AGBL1: variants seen among roughly 807,000 people sequenced by gnomAD.
AGBL1 encodes the protein AGBL carboxypeptidase 1.
Under a neutral mutation model 118.9 loss-of-function variants are expected in AGBL1, and 130 were observed. The ratio of observed to expected loss-of-function variants is 1.09; its 90% confidence interval spans 0.95 to 1.26. The LOEUF (loss-of-function observed/expected upper bound fraction) is 1.26, where lower values mean the gene tolerates loss of function less well. Among genes scored for constraint, AGBL1 ranks in the 50% most tolerant of loss-of-function variants. The pLI is 0.00. For synonymous variants in AGBL1, 555 were observed against 478.9 expected, an observed-to-expected ratio of 1.16 and a Z score of -2.08; for missense variants, 1,584 against 1,298.1, an observed-to-expected ratio of 1.22 and a Z score of -3.38.
intron 21 of AGBL1, among the ~76,000 whole-genome samples, chr15:86,649,807 G>C (rs2085341240): frequency 6.6e-6 from 1 of 150,938 alleles, no homozygotes; most frequent in African/African-American, 2.4e-5. Context: ...CCTATGTGTG[G>C]TGTTATATAC....
chr15:86,821,987 T>G (rs2078948472), intron 22 of AGBL1, among the ~76,000 whole-genome samples: 1 of 152,168 alleles, frequency 6.6e-6, no homozygotes, highest in South Asian at 2.1e-4. Flanking sequence ...CTCAGAGTTT[T>G]CTGACACTTC....
chr15:86,629,563 G>C (rs114809472), intron 21 of AGBL1, among the ~76,000 whole-genome samples: 1 of 152,082 alleles, frequency 6.6e-6, no homozygotes, highest in Admixed American at 6.5e-5. Flanking sequence ...TCATACATAG[G>C]TATGTAATTT....
chr15:86,498,939 C>G (rs1300017610), intron 18 of AGBL1, among the ~76,000 whole-genome samples: 2 of 151,840 alleles, frequency 1.3e-5, no homozygotes, highest in Non-Finnish European at 2.9e-5. Flanking sequence ...TAGCACACAC[C>G]TGCTTTTTGA....
At chr15:86,711,098 C>T (rs2086548265) in intron 22 of AGBL1, among the ~76,000 whole-genome samples, 4 of 152,136 alleles carry the variant, frequency 2.6e-5, no homozygotes, top group Admixed American at 2.6e-4. Flanking sequence ...GCAAATACTT[C>T]AATATGCTGT....
intron 18 of AGBL1, among the ~76,000 whole-genome samples, chr15:86,427,017 C>T (rs1031076027): frequency 2.0e-5 from 3 of 152,106 alleles, no homozygotes; most frequent in Admixed American, 1.3e-4. Context: ...CCGCCTGCCT[C>T]GGCCTCCGAA....
chr15:86,278,513 C>T lies in AGBL1; in HGVS notation c.2076-1126C>T, dbSNP rs182141560. 1.4e-3 allele frequency among the ~76,000 whole-genome samples: 216 copies of T among 151,376 alleles called. 3 individuals are homozygous for T. The highest frequency in any genetic ancestry group is 8.9e-4 in the Non-Finnish European group (60 of 67,714). On this transcript the variant is annotated intron_variant, in intron 15 of 22. Transcript: ENST00000614907. Reference sequence around the variant, plus strand: ...TTTCTATCTCTTTCTTCCATGCTTACTTTTTGCTTAGGTAGGGAGTGGCAT... The same window carrying T: ...TTTCTATCTCTTTCTTCCATGCTTATTTTTTGCTTAGGTAGGGAGTGGCAT...
At chr15:86,564,689 T>C (rs538728939) in intron 21 of AGBL1, among the ~76,000 whole-genome samples, 27 of 152,352 alleles carry the variant, frequency 1.8e-4, no homozygotes, top group African/African-American at 6.0e-4. Context: ...CCTTGCTAGG[T>C]TGGGGAAGTT....
chr15:86,399,587 G>T (rs2081415204), intron 18 of AGBL1, among the ~76,000 whole-genome samples: 1 of 152,146 alleles, frequency 6.6e-6, no homozygotes, highest in African/African-American at 2.4e-5. Flanking sequence ...TTCTGGAAAA[G>T]GTCTCAGAAA....
At chr15:86,592,305 A>G (rs189841268) in intron 21 of AGBL1, among the ~76,000 whole-genome samples, 5 of 152,252 alleles carry the variant, frequency 3.3e-5, no homozygotes, top group Non-Finnish European at 5.9e-5. Context: ...TCAGAAAAAA[A>G]CGAATTCAGC....
intron 16 of AGBL1, among the ~76,000 whole-genome samples, chr15:86,287,334 C>T (rs912737812): frequency 1.3e-5 from 2 of 152,132 alleles, no homozygotes; most frequent in African/African-American, 4.8e-5. Flanking sequence ...GTTTCCTTTG[C>T]TATGCAGATG....
At chr15:86,424,905 G>T (rs1358189818) in intron 18 of AGBL1, among the ~76,000 whole-genome samples, 2 of 152,172 alleles carry the variant, frequency 1.3e-5, no homozygotes, top group African/African-American at 4.8e-5. Context: ...TGCTGGAGAG[G>T]ATGTGGAGAA....
At chr15:86,101,349 G>A (rs962372627) in intron 1 of AGBL1, among the ~76,000 whole-genome samples, 7 of 151,994 alleles carry the variant, frequency 4.6e-5, no homozygotes, top group Admixed American at 1.3e-4. Flanking sequence ...GAATGAAATG[G>A]TCTGTAAATG....
chr15:86,452,158 T>C (rs1243422304), intron 18 of AGBL1, among the ~76,000 whole-genome samples: 1 of 152,176 alleles, frequency 6.6e-6, no homozygotes, highest in Non-Finnish European at 1.5e-5. Flanking sequence ...CTCCTAACAT[T>C]CCTGGAATTC....
chr15:86,283,474 G>A (rs1761539443), intron 16 of AGBL1, among the ~76,000 whole-genome samples: 1 of 151,784 alleles, frequency 6.6e-6, no homozygotes, highest in South Asian at 2.1e-4. Context: ...AGAGACAGGG[G>A]TGGGATGGGG....
intron 1 of AGBL1, among the ~76,000 whole-genome samples, chr15:86,125,130 A>G (rs1158822909): frequency 1.3e-5 from 2 of 152,204 alleles, no homozygotes; most frequent in Non-Finnish European, 2.9e-5. Context: ...CTTACTTTAC[A>G]TGATTGGTTG....
chr15:86,148,922 G>A (rs966021349), intron 3 of AGBL1, among the ~76,000 whole-genome samples: 14 of 152,308 alleles, frequency 9.2e-5, no homozygotes, highest in South Asian at 8.3e-4. Context: ...GACTAACAGC[G>A]GATCTCTTGG....
intron 22 of AGBL1, among the ~76,000 whole-genome samples, chr15:86,700,614 T>C (rs951052806): frequency 6.6e-6 from 1 of 152,046 alleles, no homozygotes; most frequent in Admixed American, 6.6e-5. Context: ...TTTCAAGATA[T>C]AATCAAAACT....
At chr15:86,945,496 C>G (rs1256554513) in intron 23 of AGBL1, among the ~76,000 whole-genome samples, 1 of 151,640 alleles carries the variant, frequency 6.6e-6, no homozygotes, top group Non-Finnish European at 1.5e-5. Context: ...TGGTGAAACC[C>G]CGTCTCTACA....
Position 86,674,343 on chromosome 15 carries a change from A to T in AGBL1, c.3065A>T (p.Glu1022Val), listed in dbSNP as rs1314965402. The T allele has an allele frequency of 2.5e-6, 4 of 1,612,478 alleles. No individual in the cohort carries two copies. Among genetic ancestry groups the T allele is most frequent in the Non-Finnish European group, 3.4e-6 (4 of 1,179,328 alleles). Residue 1022 changes from glutamate (E) to valine (V), a missense_variant, in exon 22 of 23, where the codon GAG becomes GTG. Physicochemically the swap from Glu to Val is moderately radical, Grantham distance 121 (BLOSUM62 -2). Coordinates refer to ENST00000614907, the MANE Select transcript of AGBL1 (RefSeq NM_001386094.1). ...AMFCLGLLILELKSASCSHQL... is the reference protein window; with the variant it reads ...AMFCLGLLILVLKSASCSHQL... ...TTCTGTTTGGGCCTCCTCATCCTGG[A>T]GCTCAAATCTGCCAGCTGCAGCCAT...
Sources: gnomAD v4.1 joint callset for allele counts (sites outside exome capture counted in the v4.1 genomes callset) on GRCh38, gnomAD v4.1.1 for gene constraint, MANE v1.5 for transcripts, NCBI Gene and HGNC (gene_info 2026-07-23, HGNC 2026-07-21) for gene names.